B4GALT4: variants seen among roughly 807,000 people sequenced by gnomAD.
B4GALT4 encodes the protein N-acetyllactosamine synthase.
A neutral mutation model predicts 37.3 loss-of-function variants in B4GALT4; 27 were observed. That is an observed-to-expected ratio of 0.72 (90% CI 0.53 to 1.00). The LOEUF is 1.00. Among genes scored for constraint, B4GALT4 ranks in the 50% least tolerant of loss-of-function variants. B4GALT4 has a pLI of 0.00. For synonymous variants in B4GALT4, 148 were observed against 154.1 expected (o/e 0.96, Z 0.29); for missense variants, 372 against 413.1 (o/e 0.90, Z 0.86).
In B4GALT4 at chr3:119,230,114, G is replaced by A. The variant is rs748773067; in HGVS notation, c.-15C>T. ...TTGAAGCCCATGTTTTTTATTACGT[G>A]AATAATATCTATCTCTCTGCTTCAC... is the stretch of plus-strand genomic sequence containing the variant. On this transcript the variant is annotated 5_prime_UTR_variant, in exon 3 of 8. Coordinates refer to ENST00000393765, the MANE Select transcript of B4GALT4 (RefSeq NM_003778.4). The A allele has an allele frequency of 1.2e-6, 2 of 1,613,648 alleles. No individual in the cohort carries two copies. The highest frequency in any genetic ancestry group is 2.2e-5 in the East Asian group (1 of 44,884).
intron 2 of B4GALT4, chr3:119,236,222 A>C (rs2078980863): frequency 6.6e-6 from 1 of 152,202 alleles, no homozygotes; most frequent in Non-Finnish European, 1.5e-5. Flanking sequence ...GACGAGGAAA[A>C]ACTGAGGAAC....
intron 5 of B4GALT4, among the ~76,000 whole-genome samples, 193 bp from the exon 6 acceptor site, chr3:119,218,965 G>A (rs928333746): frequency 1.3e-5 from 2 of 151,846 alleles, no homozygotes; most frequent in African/African-American, 2.4e-5. Flanking sequence ...CTAGACAAAC[G>A]CTCACCTCTG....
chr3:119,224,353 C>A (rs1029318050), intron 4 of B4GALT4, 108 bp from the exon 5 acceptor site: 10 of 683,736 alleles, frequency 1.5e-5, no homozygotes, highest in Admixed American at 3.9e-5. Context: ...ATTCTACGCA[C>A]GAGACTACAC....
chr3:119,220,493 A>T (rs1006314696), intron 5 of B4GALT4, among the ~76,000 whole-genome samples: 1 of 152,254 alleles, frequency 6.6e-6, no homozygotes, highest in African/African-American at 2.4e-5. Flanking sequence ...AGAGGTGAAC[A>T]TTATCAGGGT....
At chr3:119,214,407 T>C (rs1234321547) in intron 7 of B4GALT4, 1 of 152,236 alleles carries the variant, frequency 6.6e-6, no homozygotes, top group Non-Finnish European at 1.5e-5. Context: ...AACTGGCTTA[T>C]CTGCCAGGAT....
chr3:119,230,012 T>A lies in B4GALT4; in HGVS notation c.88A>T (p.Thr30Ser), dbSNP rs564527519. The stretch of plus-strand genomic sequence containing the variant: ...ATGGCACCCACGAAGTAGTTACTGG[T>A]GGCCCACCCAACCACTGTCAGGCAC... ...TLCLTVVGWATSNYFVGAIQE... is the reference protein window; with the variant it reads ...TLCLTVVGWASSNYFVGAIQE... The change falls in exon 3 of 8, where the codon ACC (threonine) becomes TCC (serine). Residue 30 changes from threonine (T) to serine (S), a missense_variant. By Grantham distance (58) the Thr-to-Ser change is moderately conservative (BLOSUM62 1). Transcript: ENST00000393765. The A allele has an allele frequency of 1.5e-5, 25 of 1,614,188 alleles. No homozygotes were observed. The African/African-American group carries it at 3.3e-4, about 22-fold the overall frequency.
chr3:119,240,534 G>A (rs1255948720), intron 1 of B4GALT4: 1 of 152,270 alleles, frequency 6.6e-6, no homozygotes, highest in African/African-American at 2.4e-5. Flanking sequence ...TCGTGACCTG[G>A]GGTATGAATG....
intron 7 of B4GALT4, chr3:119,214,381 A>T (rs2078236948): frequency 6.6e-6 from 1 of 152,258 alleles, no homozygotes; most frequent in Non-Finnish European, 1.5e-5. Context: ...AGATTCTTCA[A>T]TCAAAGCCTC....
chr3:119,224,706 T>C (rs1242447996), intron 4 of B4GALT4, among the ~76,000 whole-genome samples: 1 of 152,322 alleles, frequency 6.6e-6, no homozygotes, highest in East Asian at 1.9e-4. Flanking sequence ...AAATTTTACA[T>C]CGTGTGTTTC....
intron 5 of B4GALT4, among the ~76,000 whole-genome samples, chr3:119,221,388 T>C (rs2078446347): frequency 6.6e-6 from 1 of 152,224 alleles, no homozygotes. Flanking sequence ...CTTGCGCTTG[T>C]ACTTGTGGGG....
intron 7 of B4GALT4, chr3:119,213,749 T>C (rs1482638027): frequency 1.3e-5 from 2 of 152,254 alleles, no homozygotes; most frequent in African/African-American, 4.8e-5. Context: ...AGAATCTTCA[T>C]ACTTTTCATA....
At chr3:119,233,377 TG>T (rs1271024720) in intron 2 of B4GALT4, among the ~76,000 whole-genome samples, 1 of 152,160 alleles carries the variant, frequency 6.6e-6, no homozygotes, top group East Asian at 1.9e-4. Context: ...AGCTGAACCT[TG>T]AACAACATGG....
chr3:119,231,651 T>C (rs1237486507), intron 2 of B4GALT4, among the ~76,000 whole-genome samples: 1 of 150,814 alleles, frequency 6.6e-6, no homozygotes, highest in Non-Finnish European at 1.5e-5. Context: ...ATTAGGAGAA[T>C]GGGATTCGCT....
At position 119,212,945 on chromosome 3, in the gene B4GALT4, G is replaced by T. The variant is rs1209851162; in HGVS notation, c.903-264C>A. The T allele has an allele frequency of 1.1e-5, 4 of 353,320 alleles. No homozygotes were observed. The South Asian group carries it at 1.6e-4, about 14-fold the overall frequency. The allele number at this position is 353,320 out of a possible 1,614,324, so 21.9% of individuals were successfully genotyped here. Reference sequence around the variant, plus strand: ...TGAGCCCCCAGTCTACAGGACAGAAGGATGTGCAAGGAATACAGATACTAC... The same window carrying T: ...TGAGCCCCCAGTCTACAGGACAGAATGATGTGCAAGGAATACAGATACTAC... On this transcript the variant is annotated intron_variant, in intron 7 of 7. Coordinates refer to ENST00000393765, the MANE Select transcript of B4GALT4 (RefSeq NM_003778.4).
At chr3:119,214,527 G>C (rs936887473) in intron 7 of B4GALT4, 3 of 152,180 alleles carry the variant, frequency 2.0e-5, no homozygotes, top group Non-Finnish European at 4.4e-5. Flanking sequence ...CTGGGATTCA[G>C]GACCCAGCTT....
Position 119,230,114 on chromosome 3 carries a change from G to T in B4GALT4, c.-15C>A. 1 of 1,613,646 alleles carries T rather than the reference G, an allele frequency of 6.2e-7. No individual in the cohort carries two copies. The highest frequency in any genetic ancestry group is 1.1e-5 in the South Asian group (1 of 91,020). On this transcript the variant is annotated 5_prime_UTR_variant, in exon 3 of 8. Coordinates refer to ENST00000393765, the MANE Select transcript of B4GALT4 (RefSeq NM_003778.4). ...TTGAAGCCCATGTTTTTTATTACGT[G>T]AATAATATCTATCTCTCTGCTTCAC...
intron 4 of B4GALT4, 68 bp from the exon 5 acceptor site, chr3:119,224,313 T>C: frequency 7.8e-7 from 1 of 1,281,594 alleles, no homozygotes; most frequent in South Asian, 1.5e-5. Flanking sequence ...GCCTCTTAGT[T>C]AGGATTCAGG....
At chr3:119,231,892 A>G (rs550115916) in intron 2 of B4GALT4, among the ~76,000 whole-genome samples, 84 of 149,054 alleles carry the variant, frequency 5.6e-4, no homozygotes, top group South Asian at 1.3e-3. Context: ...TATATCACAT[A>G]TTGTCATATT....
Position 119,219,745 on chromosome 3 carries a change from G to GT in B4GALT4, c.675-974dup, listed in dbSNP as rs541381289. On this transcript the variant is annotated intron_variant, in intron 5 of 7. Coordinates refer to ENST00000393765, the MANE Select transcript of B4GALT4 (RefSeq NM_003778.4). ...TTAGAGAGCACCTCCCAGCCTCCCA[G>GT]TTATATAGGACTCTTATTATCAGTG... Among the ~76,000 whole-genome samples the GT allele has an allele frequency of 5.9e-5, 9 of 152,264 alleles. No individual in the cohort carries two copies. The South Asian group carries it at 1.9e-3, about 32-fold the overall frequency.
Sources: gnomAD v4.1 joint callset for allele counts (sites outside exome capture counted in the v4.1 genomes callset) on GRCh38, gnomAD v4.1.1 for gene constraint, MANE v1.5 for transcripts, NCBI Gene and HGNC (gene_info 2026-07-23, HGNC 2026-07-21) for gene names.